MINPP1: variants seen among roughly 807,000 people sequenced by gnomAD.
MINPP1 encodes the protein multiple inositol polyphosphate phosphatase 1.
MINPP1 carries 28 observed loss-of-function variants against 46.1 expected under a neutral mutation model. The ratio of observed to expected loss-of-function variants is 0.61; its 90% CI spans 0.45 to 0.83. MINPP1 has a LOEUF of 0.83. Ranked by LOEUF, MINPP1 falls within the 40% of genes least tolerant of loss-of-function variation. MINPP1 has a pLI of 0.00. For synonymous variants in MINPP1, 268 were observed against 249.1 expected, an observed-to-expected ratio of 1.08 and a Z score of -0.72; for missense variants, 603 against 610.0, an observed-to-expected ratio of 0.99 and a Z score of 0.12.
chr10:87,537,549 G>T (rs1047761332), intron 4 of MINPP1, among the ~76,000 whole-genome samples: 2 of 147,768 alleles, frequency 1.4e-5, no homozygotes, highest in Non-Finnish European at 3.0e-5. Flanking sequence ...GTGTGTGTGT[G>T]TTGTCTAGGT....
chr10:87,510,325 T>C (rs550476486), intron 2 of MINPP1, among the ~76,000 whole-genome samples: 48 of 152,338 alleles, frequency 3.2e-4, no homozygotes, highest in Admixed American at 1.2e-3. Context: ...AACAATATAT[T>C]TGTCTCTAGA....
At chr10:87,547,178 C>T (rs754988351) in intron 4 of MINPP1, among the ~76,000 whole-genome samples, 51 of 152,196 alleles carry the variant, frequency 3.4e-4, no homozygotes, top group Admixed American at 6.5e-4. Context: ...GTGACGTGAT[C>T]TTGGCTCACT....
At chr10:87,524,776 G>A (rs182162682) in intron 4 of MINPP1, among the ~76,000 whole-genome samples, 71 of 152,234 alleles carry the variant, frequency 4.7e-4, no homozygotes, top group Non-Finnish European at 8.4e-4. Context: ...CTGGTCGGTG[G>A]AGCAGTCAGA....
intron 3 of MINPP1, among the ~76,000 whole-genome samples, chr10:87,518,121 G>C (rs540398637): frequency 2.6e-5 from 4 of 151,480 alleles, no homozygotes; most frequent in Non-Finnish European, 5.9e-5. Flanking sequence ...CACCACACCC[G>C]GCTAATTTTT....
At position 87,508,540 on chromosome 10, in the gene MINPP1, T is replaced by A. The variant is rs777781974; in HGVS notation, c.835+7T>A. 1.2e-6 allele frequency: 2 copies of A among 1,605,784 alleles called. No individual in the cohort carries two copies. Among genetic ancestry groups the A allele is most frequent in the African/African-American group, 2.7e-5 (2 of 74,834 alleles). On this transcript the variant is annotated splice_region_variant and intron_variant, in intron 2 of 4. Coordinates refer to ENST00000371996, the MANE Select transcript of MINPP1 (RefSeq NM_004897.5). ...GTAAATGATTTAAATGCAGGTAATATGTCTGTTGTCTTTTATTTGAACTTA... is the reference window on the plus strand; with the variant it reads ...GTAAATGATTTAAATGCAGGTAATAAGTCTGTTGTCTTTTATTTGAACTTA...
intron 3 of MINPP1, among the ~76,000 whole-genome samples, chr10:87,515,358 G>A (rs1272956561): frequency 1.3e-5 from 2 of 151,868 alleles, no homozygotes; most frequent in African/African-American, 4.8e-5. Flanking sequence ...CTGCATTCCA[G>A]CCTGGGCAAC....
rs1851217944 is a variant in MINPP1 at position 87,505,044 on chromosome 10, C to T, written c.129C>T (p.Leu43=). Residue 43 remains leucine (L), a synonymous_variant, in exon 1 of 5, where the codon CTC becomes CTT. Transcript: ENST00000371996. This position sits in a 1 kb window ranked among gnomAD's most constrained non-coding sequence, Gnocchi z 4.4. ...LEPRDPVASS[L]SPYFGTKTRY... ...CGAGGGACCCGGTGGCCTCGTCGCTCAGCCCCTATTTCGGCACCAAGACTC... is the reference window on the plus strand; with the variant it reads ...CGAGGGACCCGGTGGCCTCGTCGCTTAGCCCCTATTTCGGCACCAAGACTC... The T allele has an allele frequency of 1.9e-6, 3 of 1,613,352 alleles. No individual in the cohort carries two copies. Among genetic ancestry groups the T allele is most frequent in the Non-Finnish European group, 2.5e-6 (3 of 1,179,918 alleles).
At chr10:87,520,072 G>GTGTGTGTGTGTGTGTGTA (rs1851478143) in intron 3 of MINPP1, among the ~76,000 whole-genome samples, 1 of 151,930 alleles carries the variant, frequency 6.6e-6, no homozygotes, top group Non-Finnish European at 1.5e-5. Context: ...GTGTGTGTGT[G>GTGTGTGTGTGTGTGTGTA]TGTGTGTTGG....
intron 4 of MINPP1, among the ~76,000 whole-genome samples, chr10:87,542,609 A>G (rs1254677427): frequency 6.6e-6 from 1 of 152,056 alleles, no homozygotes; most frequent in Non-Finnish European, 1.5e-5. Context: ...CAGTCTTTAA[A>G]TCTTAAAGCT....
In MINPP1 at chr10:87,552,547, C is replaced by T; in HGVS notation, c.*69C>T. On this transcript the variant is annotated 3_prime_UTR_variant, in exon 5 of 5. Transcript: ENST00000371996. ...TGATTACATGCTTGTAATAGGTAGG[C>T]AATTCCTTGATTACAGGAAGCTTTT... 1 of 1,459,210 alleles carries T rather than the reference C, an allele frequency of 6.9e-7. No homozygotes were observed. The highest frequency in any genetic ancestry group is 2.3e-5 in the East Asian group (1 of 44,124). The allele number at this position is 1,459,210 out of a possible 1,614,324, so 90.4% of individuals were successfully genotyped here.
chr10:87,518,290 G>A (rs1851443948), intron 3 of MINPP1, among the ~76,000 whole-genome samples: 1 of 151,524 alleles, frequency 6.6e-6, no homozygotes, highest in Non-Finnish European at 1.5e-5. Flanking sequence ...AGTTTTAGTG[G>A]TAAGCATGTG....
chr10:87,528,906 A>C (rs1384666588), intron 4 of MINPP1, among the ~76,000 whole-genome samples: 2 of 152,152 alleles, frequency 1.3e-5, no homozygotes, highest in Non-Finnish European at 1.5e-5. Context: ...TATTGGGTGC[A>C]TATATATTTG....
intron 4 of MINPP1, among the ~76,000 whole-genome samples, chr10:87,536,687 A>G (rs545799890): frequency 6.6e-6 from 1 of 152,258 alleles, no homozygotes; most frequent in African/African-American, 2.4e-5. Flanking sequence ...CTTTCACTCA[A>G]CATAGTGATT....
chr10:87,544,407 A>G (rs911085474), intron 4 of MINPP1, among the ~76,000 whole-genome samples: 6 of 152,188 alleles, frequency 3.9e-5, no homozygotes, highest in South Asian at 2.1e-4. Context: ...TGGAGGCCTC[A>G]TTACTTAGAC....
chr10:87,534,983 A>G (rs1167559022), intron 4 of MINPP1, among the ~76,000 whole-genome samples: 5 of 152,252 alleles, frequency 3.3e-5, no homozygotes, highest in Non-Finnish European at 7.3e-5. Flanking sequence ...GAATACATAA[A>G]CATGGATAAG....
chr10:87,519,768 TGTA>T (rs148416647), intron 3 of MINPP1, among the ~76,000 whole-genome samples: 2,871 of 152,308 alleles, frequency 0.019, 81 homozygotes, highest in African/African-American at 0.065. Context: ...TTGTGACTAT[TGTA>T]GTCATCTTGA....
In MINPP1 at chr10:87,505,459, A is replaced by C. The variant is rs1398149098; in HGVS notation, c.544A>C (p.Ser182Arg). ...CTACGGCCGCCTGCGGCTCATCACC[A>C]GTTCCAAGCACCGCTGCATGGATAG... ...ENYGRLRLIT[S>R]SKHRCMDSSA... The change falls in exon 1 of 5, where the codon AGT becomes CGT. Residue 182 changes from serine (S) to arginine (R), a missense_variant. Physicochemically the swap from Ser to Arg is moderately radical, Grantham distance 110. This residue lies in a region of MINPP1 where 344 missense variants were observed against 381.1 expected (regional missense o/e 0.90). Transcript: ENST00000371996. The surrounding 1 kb of genome is among the most constrained non-coding windows in gnomAD (Gnocchi z 4.4). The C allele has an allele frequency of 6.2e-7, 1 of 1,612,930 alleles. No individual in the cohort carries two copies. The highest frequency in any genetic ancestry group is 1.3e-5 in the African/African-American group (1 of 74,908).
chr10:87,510,579 C>T (rs1273591824), intron 2 of MINPP1, among the ~76,000 whole-genome samples: 2 of 152,120 alleles, frequency 1.3e-5, no homozygotes, highest in Non-Finnish European at 2.9e-5. Context: ...CTGTTTTTTA[C>T]ACTTGAGAGT....
chr10:87,523,748 AG>A (rs1851535841), intron 4 of MINPP1, among the ~76,000 whole-genome samples: 1 of 152,218 alleles, frequency 6.6e-6, no homozygotes, highest in African/African-American at 2.4e-5. Flanking sequence ...ATTTTGTTTT[AG>A]CAGACATGAA....
Sources: gnomAD v4.1 joint callset for allele counts (sites outside exome capture counted in the v4.1 genomes callset) on GRCh38, gnomAD v4.1.1 for gene constraint, gnomAD v4.1.1 regional missense constraint, Gnocchi (gnomAD v3.1) non-coding constraint, MANE v1.5 for transcripts, NCBI Gene and HGNC (gene_info 2026-07-23, HGNC 2026-07-21) for gene names.